Variants in DNM3 observed in about 807,000 individuals in gnomAD.
DNM3 encodes dynamin-3.
DNM3 carries 47 observed loss-of-function variants against 101.6 expected under a neutral mutation model. That is an observed-to-expected ratio of 0.46 (90% confidence interval 0.37 to 0.59). The LOEUF is 0.59. Ranked by LOEUF, DNM3 falls within the 20% of genes least tolerant of loss-of-function variation. DNM3 has a pLI of 0.00. For synonymous variants in DNM3, 385 were observed against 387.9 expected (o/e 0.99, Z 0.09); for missense variants, 849 against 1,085.7 (o/e 0.78, Z 3.06).
intron 4 of DNM3, among the ~76,000 whole-genome samples, chr1:172,016,206 A>G (rs2047444346): frequency 1.3e-5 from 2 of 152,072 alleles, no homozygotes; most frequent in South Asian, 4.2e-4. Context: ...AAAAGAAAAA[A>G]AAAAGAATGA....
intron 14 of DNM3, among the ~76,000 whole-genome samples, chr1:172,164,911 AG>A (rs1199534098): frequency 6.6e-6 from 1 of 152,056 alleles, no homozygotes; most frequent in Non-Finnish European, 1.5e-5. Flanking sequence ...CAGTTCTTCT[AG>A]TCATTTGTTT....
intron 16 of DNM3, among the ~76,000 whole-genome samples, chr1:172,321,080 T>A (rs1020874311): frequency 2.0e-5 from 3 of 152,174 alleles, no homozygotes; most frequent in Non-Finnish European, 2.9e-5. Context: ...TAACTGATGT[T>A]TTTAGGTCGG....
At chr1:172,393,471 G>A (rs2069704641) in intron 20 of DNM3, 1 of 152,602 alleles carries the variant, frequency 6.6e-6, no homozygotes, top group Non-Finnish European at 1.5e-5. Flanking sequence ...GAAGGATGAA[G>A]CTGCTGAGCC....
chr1:172,084,189 T>C (rs2053363888), intron 12 of DNM3, among the ~76,000 whole-genome samples: 1 of 152,138 alleles, frequency 6.6e-6, no homozygotes, highest in South Asian at 2.1e-4. Context: ...ATAATCCTTG[T>C]CTTGTATACC....
At chr1:172,171,629 AG>A (rs1384227260) in intron 14 of DNM3, among the ~76,000 whole-genome samples, 1 of 151,772 alleles carries the variant, frequency 6.6e-6, no homozygotes, top group African/African-American at 2.4e-5. Flanking sequence ...GAAAGACCTC[AG>A]TGCCAGCTTC....
chr1:172,256,842 A>T (rs2062420220), intron 15 of DNM3, among the ~76,000 whole-genome samples: 1 of 150,968 alleles, frequency 6.6e-6, no homozygotes. Flanking sequence ...TTAGCTGCTT[A>T]CTACAATTTT....
At chr1:171,883,297 T>A (rs551983902) in intron 1 of DNM3, among the ~76,000 whole-genome samples, 1 of 151,336 alleles carries the variant, frequency 6.6e-6, no homozygotes, top group South Asian at 2.1e-4. Context: ...GATCATTTAA[T>A]GCTAGAGGTT....
chr1:171,857,481 A>G (rs1265374705), intron 1 of DNM3, among the ~76,000 whole-genome samples: 1 of 152,086 alleles, frequency 6.6e-6, no homozygotes, highest in Non-Finnish European at 1.5e-5. Flanking sequence ...GAAGGAATGC[A>G]TTCTCTCTCT....
At chr1:171,846,629 G>A (rs1028788646) in intron 1 of DNM3, among the ~76,000 whole-genome samples, 3 of 152,182 alleles carry the variant, frequency 2.0e-5, no homozygotes, top group Admixed American at 2.0e-4. Flanking sequence ...GAAAGAAATA[G>A]ATTATTTTTT....
chr1:172,003,130 T>C (rs531372761), intron 4 of DNM3, among the ~76,000 whole-genome samples: 1 of 152,188 alleles, frequency 6.6e-6, no homozygotes, highest in East Asian at 1.9e-4. Context: ...CTTCATTTTT[T>C]TCAGAAATTC....
chr1:172,283,934 G>A (rs1357012447), intron 15 of DNM3, among the ~76,000 whole-genome samples: 1 of 151,966 alleles, frequency 6.6e-6, no homozygotes, highest in African/African-American at 2.4e-5. Context: ...TTGCCTTTGG[G>A]TTTTCGTTGT....
intron 14 of DNM3, among the ~76,000 whole-genome samples, chr1:172,191,465 G>A (rs1174660851): frequency 6.6e-6 from 1 of 152,112 alleles, no homozygotes; most frequent in Non-Finnish European, 1.5e-5. Context: ...CTCCAGCTTT[G>A]TTCTTTTGGC....
At chr1:172,386,970 A>T in intron 18 of DNM3, 163 bp from the exon 19 acceptor site, 1 of 605,188 alleles carries the variant, frequency 1.7e-6, no homozygotes, top group South Asian at 2.0e-5. Flanking sequence ...GGGGATAGAG[A>T]CAAAACAAAA....
In DNM3 at chr1:172,164,991, G is replaced by A. The variant is rs149797188; in HGVS notation, c.1659+33703G>A. ...ATGTAACCCTTTTTGTCCTGAGGCTGAGTACTTGGCACAAACACAAGCTGG... is the reference window on the plus strand; with the variant it reads ...ATGTAACCCTTTTTGTCCTGAGGCTAAGTACTTGGCACAAACACAAGCTGG... On this transcript the variant is annotated intron_variant, in intron 14 of 20. Transcript: ENST00000627582. 3.1e-3 allele frequency among the ~76,000 whole-genome samples: 477 copies of A among 152,198 alleles called. 1 individual carries two copies. Among genetic ancestry groups the A allele is most frequent in the African/African-American group, 0.011 (438 of 41,554 alleles).
rs376087499 is a variant in DNM3 at position 171,989,117 on chromosome 1, G to A, written c.558G>A (p.Ala186=). 1.0e-4 allele frequency: 161 copies of A among 1,612,730 alleles called. No homozygotes were observed. The highest frequency in any genetic ancestry group is 2.5e-4 in the African/African-American group (19 of 74,878). Residue 186 remains alanine, a synonymous_variant, in exon 4 of 21, where the codon GCG becomes GCA. Coordinates refer to ENST00000627582, the MANE Select transcript of DNM3 (RefSeq NM_015569.5). The part of the protein sequence containing the change: ...PANTDLANSD[A]LKLAKEVDPQ... ...ACACTGATCTTGCAAACTCAGATGCGCTGAAGCTAGCTAAAGAAGTTGATC... is the reference window on the plus strand; with the variant it reads ...ACACTGATCTTGCAAACTCAGATGCACTGAAGCTAGCTAAAGAAGTTGATC...
intron 14 of DNM3, among the ~76,000 whole-genome samples, chr1:172,230,575 AC>A (rs1395270760): frequency 1.3e-5 from 2 of 152,224 alleles, no homozygotes. Flanking sequence ...CAGTGTTTTA[AC>A]AAAATTAGAA....
At chr1:171,962,377 C>T (rs1365173864) in intron 2 of DNM3, among the ~76,000 whole-genome samples, 1 of 151,912 alleles carries the variant, frequency 6.6e-6, no homozygotes, top group Non-Finnish European at 1.5e-5. Context: ...TAGAGGTTAC[C>T]AGGGGTTGGA....
chr1:172,169,799 T>C (rs546459431), intron 14 of DNM3, among the ~76,000 whole-genome samples: 7 of 151,914 alleles, frequency 4.6e-5, no homozygotes, highest in Non-Finnish European at 7.4e-5. Context: ...TTATTTGATG[T>C]GAACATCAGT....
chr1:172,056,635 G>C (rs891209439), intron 10 of DNM3, among the ~76,000 whole-genome samples: 3 of 151,892 alleles, frequency 2.0e-5, no homozygotes, highest in Non-Finnish European at 1.5e-5. Flanking sequence ...TGAGGGTCCT[G>C]TCTGTTAGAA....
Sources: gnomAD v4.1 joint callset for allele counts (sites outside exome capture counted in the v4.1 genomes callset) on GRCh38, gnomAD v4.1.1 for gene constraint, MANE v1.5 for transcripts, NCBI Gene and HGNC (gene_info 2026-07-23, HGNC 2026-07-21) for gene names.